MORN1: variants seen among roughly 807,000 people sequenced by gnomAD.
MORN1 encodes the protein MORN repeat containing 1, also known as MORN repeat-containing protein 1.
Under a neutral mutation model 61.9 loss-of-function variants are expected in MORN1, and 67 were observed. The ratio of observed to expected loss-of-function variants is 1.08; its 90% CI spans 0.89 to 1.33. The LOEUF is 1.33. Among genes scored for constraint, MORN1 ranks in the 40% most tolerant of loss-of-function variants. The pLI is 0.00. For synonymous variants in MORN1, 301 were observed against 292.0 expected, an observed-to-expected ratio of 1.03 and a Z score of -0.31; for missense variants, 752 against 691.2, an observed-to-expected ratio of 1.09 and a Z score of -0.99.
chr1:2,324,613 G>T (rs1640959534), intron 12 of MORN1, among the ~76,000 whole-genome samples: 1 of 152,250 alleles, frequency 6.6e-6, no homozygotes. Flanking sequence ...GTGCCCCCTT[G>T]GAGGAACAGA....
chr1:2,336,695 C>T (rs1445629141), intron 11 of MORN1, 22 bp downstream of exon 11: 1 of 1,546,930 alleles, frequency 6.5e-7, no homozygotes, highest in South Asian at 1.2e-5. Flanking sequence ...GGGTGGCCTC[C>T]CCGCCCCCCG....
At chr1:2,323,764 A>G (rs1485064774) in intron 13 of MORN1, 4 of 984,988 alleles carry the variant, frequency 4.1e-6, no homozygotes, top group Non-Finnish European at 3.6e-6. Flanking sequence ...GGGCCTTGAC[A>G]GCTCCCCTCG....
chr1:2,366,852 G>A (rs1642004542), intron 8 of MORN1, among the ~76,000 whole-genome samples: 1 of 152,068 alleles, frequency 6.6e-6, no homozygotes, highest in Non-Finnish European at 1.5e-5. Context: ...ATCTATCATA[G>A]TCAGATATTT....
In MORN1 at chr1:2,337,483, C is replaced by T. The variant is rs997219297; in HGVS notation, c.1037-633G>A. 3.3e-5 allele frequency among the ~76,000 whole-genome samples: 5 copies of T among 152,200 alleles called. No individual in the cohort carries two copies. The highest frequency in any genetic ancestry group is 7.2e-5 in the African/African-American group (3 of 41,460). ...GGCCCTTGCCCAACCTAGCTTTTTC[C>T]AGCCCCTCTCCCGGGGTCCCAGGGT... On this transcript the variant is annotated intron_variant, in intron 10 of 13. Transcript: ENST00000378531. This position sits in a 1 kb window ranked among gnomAD's most constrained non-coding sequence, Gnocchi z 5.7.
At chr1:2,370,555 C>A (rs1642092758) in intron 8 of MORN1, among the ~76,000 whole-genome samples, 2 of 152,142 alleles carry the variant, frequency 1.3e-5, no homozygotes, top group Non-Finnish European at 2.9e-5. Context: ...AAAAGATGAG[C>A]CGTAGGTGGA....
At chr1:2,356,422 G>A (rs536557179) in intron 10 of MORN1, among the ~76,000 whole-genome samples, 3 of 152,258 alleles carry the variant, frequency 2.0e-5, no homozygotes, top group Non-Finnish European at 4.4e-5. Flanking sequence ...CAGCCTCTCA[G>A]ATCTGCCCTG....
chr1:2,338,882 C>T (rs1374346206), intron 10 of MORN1, among the ~76,000 whole-genome samples: 1 of 152,128 alleles, frequency 6.6e-6, no homozygotes, highest in African/African-American at 2.4e-5. Flanking sequence ...TCGTGACTGT[C>T]CCTGGCTGAT....
rs891250080 is a variant in MORN1, at chr1:2,331,727, C to T, written c.1250+4742G>A. Among the ~76,000 whole-genome samples the T allele has an allele frequency of 5.3e-5, 8 of 152,198 alleles. No individual in the cohort carries two copies. In the South Asian group the frequency reaches 1.0e-3, roughly 20 times the overall value. On this transcript the variant is annotated intron_variant, in intron 12 of 13. Transcript: ENST00000378531. ...CAAAGACGACTTTGCAGGATCCTGCCTGAGAGTTGTAACAAAGGCGCGCGT... is the reference window on the plus strand; with the variant it reads ...CAAAGACGACTTTGCAGGATCCTGCTTGAGAGTTGTAACAAAGGCGCGCGT...
intron 10 of MORN1, among the ~76,000 whole-genome samples, chr1:2,343,378 G>A (rs866244445): frequency 1.3e-5 from 2 of 152,180 alleles, no homozygotes; most frequent in Non-Finnish European, 2.9e-5. Flanking sequence ...CAGAGCCGCC[G>A]GGCCCTGGGG....
chr1:2,381,498 G>A (rs1176128093), intron 6 of MORN1, among the ~76,000 whole-genome samples: 1 of 152,162 alleles, frequency 6.6e-6, no homozygotes, highest in African/African-American at 2.4e-5. Flanking sequence ...TCAAGCCACG[G>A]GCCTGCCTGG....
At position 2,348,706 on chromosome 1, in the gene MORN1, C is replaced by T. The variant is rs576734778; in HGVS notation, c.1036+8726G>A. Among the ~76,000 whole-genome samples, 117 of 79,030 alleles carry T rather than the reference C, an allele frequency of 1.5e-3. 2 individuals carry two copies. The highest frequency in any genetic ancestry group is 2.5e-3 in the Non-Finnish European group (98 of 38,644). 51.8% of individuals were successfully genotyped at this position (79,030 alleles called of 152,430 possible). ...AGGCACGCACACACACGCACGCACA[C>T]GCACACCTGCGCGGGCACGCACACG... On this transcript the variant is annotated intron_variant, in intron 10 of 13. Transcript: ENST00000378531.
chr1:2,359,837 C>T (rs146812362), intron 8 of MORN1, among the ~76,000 whole-genome samples: 26 of 150,480 alleles, frequency 1.7e-4, no homozygotes, highest in Middle Eastern at 6.9e-3. Flanking sequence ...GAGCCAGGAT[C>T]ATGCCACTGC....
At chr1:2,373,742 C>T (rs865931919) in intron 7 of MORN1, among the ~76,000 whole-genome samples, 2 of 152,218 alleles carry the variant, frequency 1.3e-5, no homozygotes, top group African/African-American at 4.8e-5. Context: ...TCCCGAAGAT[C>T]TCAGCCTCCA....
rs1462103422 is a variant in MORN1, at chr1:2,357,747, G to C, written c.870-149C>G. ...AGCCTCTCTGGGAGGTCTCCTGCTG[G>C]GATGGGGCCAGTTGAGGCCCAGAGA... On this transcript the variant is annotated intron_variant, in intron 9 of 13. Transcript: ENST00000378531. This position sits in a 1 kb window ranked among gnomAD's most constrained non-coding sequence, Gnocchi z 6.3. The C allele has an allele frequency of 2.2e-6, 2 of 908,236 alleles. No homozygotes were observed. Among genetic ancestry groups the C allele is most frequent in the Non-Finnish European group, 3.1e-6 (2 of 655,204 alleles). The allele number at this position is 908,236 out of a possible 1,614,324, so 56.3% of individuals were successfully genotyped here.
At chr1:2,359,434 G>A (rs1641845936) in intron 8 of MORN1, among the ~76,000 whole-genome samples, 1 of 152,242 alleles carries the variant, frequency 6.6e-6, no homozygotes, top group African/African-American at 2.4e-5. Context: ...GTTGCTGAGT[G>A]CAGATGCTCT....
At chr1:2,353,620 T>C (rs924077285) in intron 10 of MORN1, among the ~76,000 whole-genome samples, 3 of 152,264 alleles carry the variant, frequency 2.0e-5, no homozygotes, top group Non-Finnish European at 2.9e-5. Context: ...ATGAATGCTG[T>C]CCTGGCTGGA....
chr1:2,380,087 G>A (rs980464920), intron 6 of MORN1, among the ~76,000 whole-genome samples: 1 of 152,210 alleles, frequency 6.6e-6, no homozygotes, highest in Non-Finnish European at 1.5e-5. Context: ...GCTGGCACAG[G>A]CTCCAGCATG....
rs1641307669 is a variant in MORN1, at chr1:2,337,574, A to C, written c.1037-724T>G. 6.6e-6 allele frequency among the ~76,000 whole-genome samples: 1 copy of C among 152,068 alleles called. No individual in the cohort carries two copies. Among genetic ancestry groups the C allele is most frequent in the Admixed American group, 6.6e-5 (1 of 15,264 alleles). Reference sequence around the variant, plus strand: ...GATGGAGCTGCAGCCCCCAGGGCCCACCCTGCTGTCTCTTTTACAAGGATG... The same window carrying C: ...GATGGAGCTGCAGCCCCCAGGGCCCCCCCTGCTGTCTCTTTTACAAGGATG... On this transcript the variant is annotated intron_variant, in intron 10 of 13. Transcript: ENST00000378531. The surrounding 1 kb of genome is among the most constrained non-coding windows in gnomAD (Gnocchi z 5.7).
chr1:2,336,447 AGGTGG>A lies in MORN1; in HGVS notation c.1250+17_1250+21del. ...CACAGCTGACCCTCCGAACACCTGC[AGGTGG>A]GGTGGGCTCATCCTACCTGCTGCCT... On this transcript the variant is annotated intron_variant, in intron 12 of 13. Transcript: ENST00000378531. The A allele has an allele frequency of 6.2e-7, 1 of 1,607,272 alleles. No individual in the cohort carries two copies. The highest frequency in any genetic ancestry group is 8.5e-7 in the Non-Finnish European group (1 of 1,176,604).
Sources: allele counts gnomAD v4.1 joint callset (sites outside exome capture counted in the v4.1 genomes callset), GRCh38; gene constraint gnomAD v4.1.1; non-coding constraint Gnocchi (gnomAD v3.1); transcripts MANE v1.5; gene names NCBI Gene and HGNC (gene_info 2026-07-23, HGNC 2026-07-21).